The following ATP7A variants were observed in gnomAD, a reference collection of about 807,000 sequenced individuals.
ATP7A encodes ATPase copper transporting alpha, also known as copper-transporting ATPase 1.
ATP7A carries 7 observed loss-of-function variants against 83.5 expected under a neutral mutation model. The ratio of observed to expected loss-of-function variants is 0.08; its 90% CI spans 0.05 to 0.16. ATP7A has a LOEUF of 0.16. Among genes scored for constraint, ATP7A ranks in the 10% least tolerant of loss-of-function variants. ATP7A has a pLI of 1.00. For synonymous variants in ATP7A, 354 were observed against 395.2 expected (o/e 0.90, Z 1.24); for missense variants, 940 against 1,120.8 (o/e 0.84, Z 2.30).
intron 1 of ATP7A, among the ~76,000 whole-genome samples, chrX:77,935,679 A>C (rs2149050805): frequency 8.9e-6 from 1 of 111,818 alleles, no homozygotes; most frequent in South Asian, 3.7e-4. Context: ...ACCCCAAATT[A>C]GCAATTTTGT....
At position 78,042,666 on chromosome X, in the gene ATP7A, C is replaced by A. The variant is rs372489000; in HGVS notation, c.3883C>A (p.Arg1295=). 3.6e-5 allele frequency: 43 copies of A among 1,209,952 alleles called. No individual in the cohort carries two copies. The South Asian group carries it at 7.6e-4, about 21-fold the overall frequency. Residue 1295 remains arginine, a synonymous_variant, in exon 20 of 23, where the codon CGG becomes AGG. Coordinates refer to ENST00000341514, the MANE Select transcript of ATP7A (RefSeq NM_000052.7). ...GAAGCAACTTCAAGAGGAGGGGAAA[C>A]GGGTAGCAATGGTGGGAGATGGAAT... ...KVKQLQEEGK[R]VAMVGDGIND...
chrX:77,939,986 T>C (rs1292249229), intron 1 of ATP7A, among the ~76,000 whole-genome samples: 1 of 109,740 alleles, frequency 9.1e-6, no homozygotes, highest in Non-Finnish European at 1.9e-5. Context: ...AGTTAGTCTA[T>C]AAATTTAAGA....
At chrX:77,969,866 C>T (rs782449562) in intron 1 of ATP7A, among the ~76,000 whole-genome samples, 5 of 111,887 alleles carry the variant, frequency 4.5e-5, no homozygotes, top group Non-Finnish European at 9.4e-5. Flanking sequence ...AGAGTCCTAT[C>T]TTCATGGAGT....
chrX:77,960,454 T>C (rs968514481), intron 1 of ATP7A, among the ~76,000 whole-genome samples: 3 of 112,557 alleles, frequency 2.7e-5, no homozygotes, highest in Non-Finnish European at 5.6e-5. Context: ...TCTTACTGCA[T>C]GATTATTGAG....
intron 4 of ATP7A, among the ~76,000 whole-genome samples, chrX:77,997,145 C>T (rs782545567): frequency 8.9e-6 from 1 of 112,089 alleles, no homozygotes; most frequent in Non-Finnish European, 1.9e-5. Flanking sequence ...ATGTGACAGA[C>T]TTGTACACGT....
chrX:78,013,885 ATTCT>A (rs1345385560), intron 10 of ATP7A, among the ~76,000 whole-genome samples: 71 of 95,218 alleles, frequency 7.5e-4, no homozygotes, highest in African/African-American at 2.8e-3. Context: ...CCCCCCACAA[ATTCT>A]TTCTAAGTTA....
chrX:77,978,261 G>C (rs1406687290), intron 2 of ATP7A, among the ~76,000 whole-genome samples: 5 of 110,417 alleles, frequency 4.5e-5, no homozygotes, highest in African/African-American at 1.6e-4. Context: ...GGGGTTAGTA[G>C]GCTATTTGGC....
chrX:77,975,289 A>G, intron 2 of ATP7A, among the ~76,000 whole-genome samples: 1 of 109,127 alleles, frequency 9.2e-6, no homozygotes, highest in South Asian at 3.9e-4. Flanking sequence ...TCTCAGCACT[A>G]ATTGTAGTGT....
rs191272091 is a variant in ATP7A at position 78,024,178 on chromosome X, C to T, written c.2916+3099C>T. On this transcript the variant is annotated intron_variant, in intron 14 of 22. Transcript: ENST00000341514. ...CGTGTCTATTTTTGTATCAATACCA[C>T]GCTGTTTTGATTACTATAGTCTTTT... Among the ~76,000 whole-genome samples, 637 of 111,737 alleles carry T rather than the reference C, an allele frequency of 5.7e-3. 3 individuals carry two copies. Among genetic ancestry groups the T allele is most frequent in the African/African-American group, 0.02 (607 of 30,751 alleles).
chrX:78,022,141 A>G (rs201878346), intron 14 of ATP7A, among the ~76,000 whole-genome samples: 1 of 111,551 alleles, frequency 9.0e-6, no homozygotes, highest in African/African-American at 3.3e-5. Flanking sequence ...TCGCCCTTCA[A>G]AGTGTCTGCA....
chrX:77,939,827 A>G (rs1038682020), intron 1 of ATP7A, among the ~76,000 whole-genome samples: 3 of 108,984 alleles, frequency 2.8e-5, no homozygotes, highest in Admixed American at 9.7e-5. Context: ...AAAAGCTCTT[A>G]TTCGTATATA....
At position 78,011,177 on chromosome X, in the gene ATP7A, G is replaced by A; in HGVS notation, c.1871G>A (p.Ser624Asn). 8.3e-7 allele frequency: 1 copy of A among 1,207,513 alleles called. No homozygotes were observed. The highest frequency in any genetic ancestry group is 1.1e-6 in the Non-Finnish European group (1 of 892,049). Residue 624 changes from serine to asparagine, a missense_variant and splice_region_variant, in exon 8 of 23, where the codon AGC (serine) becomes AAC (asparagine). Physicochemically the swap from Ser to Asn is conservative, Grantham distance 46. This residue lies in a region of ATP7A where 204 missense variants were observed against 185.8 expected (regional missense o/e 1.10). Transcript: ENST00000341514. Reference protein sequence around the residue: ...GPRDIIHTIESLGFEASLVKK... With the variant: ...GPRDIIHTIENLGFEASLVKK... ...TTTTTTTCTCATGAATTTCCTTAGA[G>A]CTTAGGTTTTGAAGCTTCTTTGGTC...
chrX:77,940,343 A>G (rs782147319), intron 1 of ATP7A, among the ~76,000 whole-genome samples: 351 of 111,433 alleles, frequency 3.1e-3, no homozygotes, highest in Non-Finnish European at 5.0e-3. Context: ...CCAAATAAAA[A>G]TTTAGTATAC....
rs1211273815 is a variant in ATP7A, at chrX:78,048,915, C to T, written c.*2345C>T. The T allele has an allele frequency of 1.8e-5, 2 of 111,557 alleles. No homozygotes were observed. The highest frequency in any genetic ancestry group is 6.5e-5 in the African/African-American group (2 of 30,696). 9.2% of individuals were successfully genotyped at this position (111,557 alleles called of 1,213,427 possible). ...GTTATTCTTCCATTATTATGTGTAC[C>T]TTGGAGTCATCCTCTTGGTCTTGTA... is the stretch of plus-strand genomic sequence containing the variant. On this transcript the variant is annotated 3_prime_UTR_variant, in exon 23 of 23. Transcript: ENST00000341514.
intron 2 of ATP7A, chrX:77,975,655 A>G (rs2077572986): frequency 9.2e-6 from 1 of 109,259 alleles, no homozygotes; most frequent in Non-Finnish European, 1.9e-5. Flanking sequence ...ATTCCTGGGT[A>G]ATTTTTTGTA....
intron 1 of ATP7A, among the ~76,000 whole-genome samples, chrX:77,965,128 GGAAAAATATTTTTCTTACATGTCCT>G (rs1557228544): frequency 9.1e-6 from 1 of 109,751 alleles, no homozygotes; most frequent in Non-Finnish European, 1.9e-5. Context: ...TTCAGTATGA[GGAAAAATATTTTTCTTACATGTCCT>G]GAAAATTGCA....
At chrX:77,947,229 A>G (rs1423262008) in intron 1 of ATP7A, among the ~76,000 whole-genome samples, 1 of 111,246 alleles carries the variant, frequency 9.0e-6, no homozygotes, top group Non-Finnish European at 1.9e-5. Context: ...ATAGAGATAT[A>G]AAGTAGTACC....
chrX:77,959,341 A>G (rs1488812017), intron 1 of ATP7A, among the ~76,000 whole-genome samples: 4 of 111,662 alleles, frequency 3.6e-5, no homozygotes, highest in Non-Finnish European at 7.5e-5. Context: ...GCAAACAGGG[A>G]CAATCTGACT....
At chrX:78,010,661 C>G (rs2077814828) in intron 7 of ATP7A, among the ~76,000 whole-genome samples, 1 of 92,963 alleles carries the variant, frequency 1.1e-5, no homozygotes, top group Non-Finnish European at 2.0e-5. Flanking sequence ...CTCACTGCAA[C>G]CTCCGCCTCC....
Sources: allele counts gnomAD v4.1 joint callset (sites outside exome capture counted in the v4.1 genomes callset), GRCh38; gene constraint gnomAD v4.1.1; regional missense constraint gnomAD v4.1.1; transcripts MANE v1.5; gene names NCBI Gene and HGNC (gene_info 2026-07-23, HGNC 2026-07-21).